Variants in CSMD1 observed in about 807,000 individuals in gnomAD.
CSMD1 encodes CUB and sushi domain-containing protein 1.
CSMD1 carries 213 observed loss-of-function variants against 417.5 expected under a neutral mutation model. The observed-to-expected ratio is 0.51, with a 90% CI of 0.46 to 0.57. The LOEUF is 0.57. CSMD1 is among the 20% of genes least tolerant of loss of function. The pLI is 0.00. For missense variants in CSMD1, 6,923 were observed against 4,529.7 expected (o/e 1.53, Z -15.17); for synonymous variants, 2,862 against 1,736.8 (o/e 1.65, Z -16.11).
chr8:3,257,374 C>A (rs187578005), intron 26 of CSMD1, among the ~76,000 whole-genome samples: 1 of 152,226 alleles, frequency 6.6e-6, no homozygotes, highest in Admixed American at 6.5e-5. Flanking sequence ...GTTCTACTCA[C>A]TTGGGACACA....
At chr8:3,505,607 G>A (rs922106768) in intron 10 of CSMD1, among the ~76,000 whole-genome samples, 11 of 152,100 alleles carry the variant, frequency 7.2e-5, no homozygotes, top group African/African-American at 2.7e-4. Context: ...AAACCCAGAA[G>A]AACAAGCAGA....
intron 1 of CSMD1, among the ~76,000 whole-genome samples, chr8:4,682,026 G>C (rs1455209114): frequency 1.3e-5 from 2 of 152,068 alleles, no homozygotes; most frequent in African/African-American, 2.4e-5. Context: ...TAAATTTGTT[G>C]TTGTTATTTT....
chr8:4,606,794 C>T (rs77965869), intron 2 of CSMD1, among the ~76,000 whole-genome samples: 1,932 of 152,262 alleles, frequency 0.013, 32 homozygotes, highest in East Asian at 0.087. Context: ...AGGGGAGTAT[C>T]ATTTCTCCCC....
At chr8:3,723,451 T>A (rs930316609) in intron 6 of CSMD1, among the ~76,000 whole-genome samples, 1 of 152,146 alleles carries the variant, frequency 6.6e-6, no homozygotes, top group African/African-American at 2.4e-5. Flanking sequence ...AGAGCATAGA[T>A]CATGGGAAAC....
At chr8:3,040,975 A>G (rs1365104897) in intron 50 of CSMD1, among the ~76,000 whole-genome samples, 1 of 152,194 alleles carries the variant, frequency 6.6e-6, no homozygotes, top group Non-Finnish European at 1.5e-5. Flanking sequence ...TTCCAGTGTC[A>G]TATTTCTGTT....
intron 49 of CSMD1, among the ~76,000 whole-genome samples, chr8:3,064,790 T>C (rs1812810171): frequency 6.6e-6 from 1 of 152,198 alleles, no homozygotes; most frequent in South Asian, 2.1e-4. Flanking sequence ...TATTTAGAAA[T>C]AACCAGCATG....
chr8:4,570,133 T>C (rs1433923319), intron 2 of CSMD1, among the ~76,000 whole-genome samples: 1 of 152,192 alleles, frequency 6.6e-6, no homozygotes, highest in Non-Finnish European at 1.5e-5. Context: ...TCTTTCTTTC[T>C]TTCTCTTGCC....
At chr8:3,594,157 G>A (rs1323049826) in intron 8 of CSMD1, among the ~76,000 whole-genome samples, 1 of 152,170 alleles carries the variant, frequency 6.6e-6, no homozygotes, top group Non-Finnish European at 1.5e-5. Flanking sequence ...CCTCTGCTAT[G>A]CCCGACCTAC....
intron 1 of CSMD1, among the ~76,000 whole-genome samples, chr8:4,868,655 T>C (rs1451030979): frequency 6.6e-6 from 1 of 152,044 alleles, no homozygotes. Context: ...AATTGAAAAT[T>C]ATTACCTAAG....
chr8:4,989,628 G>A (rs574820972), intron 1 of CSMD1, among the ~76,000 whole-genome samples: 1 of 152,192 alleles, frequency 6.6e-6, no homozygotes, highest in Non-Finnish European at 1.5e-5. Flanking sequence ...AAGGCCAAAG[G>A]GAAAAGGTAG....
intron 2 of CSMD1, among the ~76,000 whole-genome samples, chr8:4,439,431 T>C (rs868496366): frequency 1.1e-4 from 16 of 152,158 alleles, no homozygotes; most frequent in Admixed American, 9.8e-4. Flanking sequence ...AATAATGTAA[T>C]GATTTTCATC....
chr8:4,295,324 A>G (rs1037248246), intron 3 of CSMD1, among the ~76,000 whole-genome samples: 8 of 114,130 alleles, frequency 7.0e-5, no homozygotes, highest in African/African-American at 1.6e-4. Context: ...AAGATTATGC[A>G]CATATAATCT....
At chr8:4,578,171 T>A (rs1342131768) in intron 2 of CSMD1, among the ~76,000 whole-genome samples, 1 of 152,034 alleles carries the variant, frequency 6.6e-6, no homozygotes, top group Non-Finnish European at 1.5e-5. Context: ...CATTTTTTGT[T>A]CTTTTTTGAG....
rs186242841 is a variant in CSMD1 at position 3,715,849 on chromosome 8, C to A, written c.932-7358G>T. 6.9e-4 allele frequency among the ~76,000 whole-genome samples: 105 copies of A among 152,236 alleles called. 1 individual carries two copies. Among genetic ancestry groups the A allele is most frequent in the African/African-American group, 2.4e-3 (98 of 41,554 alleles). ...TGAGCCACAGCGCCCGGCCTGCAAACAGCTTTTTAAAAGGCACACGGCCTG... is the reference window on the plus strand; with the variant it reads ...TGAGCCACAGCGCCCGGCCTGCAAAAAGCTTTTTAAAAGGCACACGGCCTG... On this transcript the variant is annotated intron_variant, in intron 6 of 69. Coordinates refer to ENST00000635120, the MANE Select transcript of CSMD1 (RefSeq NM_033225.6).
At chr8:3,300,047 A>G (rs925065337) in intron 25 of CSMD1, among the ~76,000 whole-genome samples, 1 of 152,174 alleles carries the variant, frequency 6.6e-6, no homozygotes, top group Non-Finnish European at 1.5e-5. Context: ...ACAGTGAAAA[A>G]ATTAAAAACA....
At chr8:3,949,363 C>G (rs11779200) in intron 5 of CSMD1, among the ~76,000 whole-genome samples, 1 of 152,076 alleles carries the variant, frequency 6.6e-6, no homozygotes, top group African/African-American at 2.4e-5. Flanking sequence ...ACCTCAATCT[C>G]ACAGTCCCTG....
intron 49 of CSMD1, among the ~76,000 whole-genome samples, chr8:3,059,439 G>C (rs140538685): frequency 2.1e-3 from 327 of 152,200 alleles, no homozygotes; most frequent in African/African-American, 6.9e-3. Flanking sequence ...CAGTTTTCGA[G>C]AAATGATTGT....
At chr8:4,227,865 C>A (rs1162076423) in intron 3 of CSMD1, among the ~76,000 whole-genome samples, 1 of 150,780 alleles carries the variant, frequency 6.6e-6, no homozygotes, top group East Asian at 2.0e-4. Context: ...GGAGACACAG[C>A]CTCCATCCTA....
At chr8:4,649,963 A>T (rs1803780149) in intron 1 of CSMD1, among the ~76,000 whole-genome samples, 1 of 152,254 alleles carries the variant, frequency 6.6e-6, no homozygotes, top group Non-Finnish European at 1.5e-5. Context: ...TCGTTCACAC[A>T]GATGACACAG....
Sources: gnomAD v4.1 joint callset for allele counts (sites outside exome capture counted in the v4.1 genomes callset) on GRCh38, gnomAD v4.1.1 for gene constraint, MANE v1.5 for transcripts, NCBI Gene and HGNC (gene_info 2026-07-23, HGNC 2026-07-21) for gene names.